SLC2A12: variants seen among roughly 807,000 people sequenced by gnomAD.
SLC2A12 encodes the protein solute carrier family 2, facilitated glucose transporter member 12.
A neutral mutation model predicts 41.8 loss-of-function variants in SLC2A12; 23 were observed. The ratio of observed to expected loss-of-function variants is 0.55; its 90% CI spans 0.40 to 0.78. The LOEUF (loss-of-function observed/expected upper bound fraction) is 0.78. Among genes scored for constraint, SLC2A12 ranks in the 30% least tolerant of loss-of-function variants. SLC2A12 has a pLI of 0.00. For missense variants in SLC2A12, 654 were observed against 745.6 expected (o/e 0.88, Z 1.43); for synonymous variants, 295 against 285.9 (o/e 1.03, Z -0.32).
chr6:133,992,810 A>G lies in SLC2A12; in HGVS notation c.1701-1502T>C, dbSNP rs180911755. On this transcript the variant is annotated intron_variant, in intron 4 of 4. Coordinates refer to ENST00000275230, the MANE Select transcript of SLC2A12 (RefSeq NM_145176.3). Reference sequence around the variant, plus strand: ...GTACTTGAGGAAGTGGGCTGGAGAGATGAGTGGTTAGAGGGTGAGTGGAAT... The same window carrying G: ...GTACTTGAGGAAGTGGGCTGGAGAGGTGAGTGGTTAGAGGGTGAGTGGAAT... Among the ~76,000 whole-genome samples, 21 of 152,264 alleles carry G rather than the reference A, an allele frequency of 1.4e-4. No individual in the cohort carries two copies. The East Asian group carries it at 1.5e-3, about 11-fold the overall frequency.
At chr6:134,040,315 G>C (rs948175642) in intron 1 of SLC2A12, among the ~76,000 whole-genome samples, 1 of 152,068 alleles carries the variant, frequency 6.6e-6, no homozygotes, top group Admixed American at 6.5e-5. Flanking sequence ...CGGAGCTCAA[G>C]TGATCCTCCC....
intron 2 of SLC2A12, among the ~76,000 whole-genome samples, chr6:134,022,531 CAAAAAAGAAAAGAAAAGAAAA>C (rs1777054538): frequency 8.6e-6 from 1 of 116,596 alleles, no homozygotes; most frequent in Admixed American, 9.9e-5. Flanking sequence ...AACTCCATCT[CAAAAAAGAAAAGAAAAGAAAA>C]GAAAAGAAAA....
chr6:134,028,681 T>G lies in SLC2A12; in HGVS notation c.1144A>C (p.Ile382Leu). 6.2e-7 allele frequency: 1 copy of G among 1,614,228 alleles called. No individual in the cohort carries two copies. The highest frequency in any genetic ancestry group is 8.5e-7 in the Non-Finnish European group (1 of 1,180,036). Residue 382 changes from isoleucine (I) to leucine (L), a missense_variant, in exon 2 of 5, where the codon ATC becomes CTC. Transcript: ENST00000275230. ...FTHICRSHNS[I>L]NQSLDESVIY... Reference sequence around the variant, plus strand: ...ACAGACTCATCCAAGGACTGGTTGATAGAATTGTGGCTTCTGCAGATATGG... The same window carrying G: ...ACAGACTCATCCAAGGACTGGTTGAGAGAATTGTGGCTTCTGCAGATATGG...
chr6:134,052,451 G>A lies in SLC2A12; in HGVS notation c.30C>T (p.Pro10=). ...CTGTCCCCTTCTGGTTCAGCAGACT[G>A]GGGCCCTCGGTGTTTTCAACAGGTA... MVPVENTEG[P]SLLNQKGTAV... Residue 10 remains proline (P), a synonymous_variant, in exon 1 of 5, where the codon CCC becomes CCT. Transcript: ENST00000275230. 1 of 1,613,404 alleles carries A rather than the reference G, an allele frequency of 6.2e-7. No individual in the cohort carries two copies. The highest frequency in any genetic ancestry group is 2.2e-5 in the East Asian group (1 of 44,878).
chr6:133,997,506 G>A (rs1035637130), intron 4 of SLC2A12, among the ~76,000 whole-genome samples: 4 of 152,164 alleles, frequency 2.6e-5, no homozygotes, highest in African/African-American at 4.8e-5. Flanking sequence ...GTAGCAATAC[G>A]GATGGAGCTG....
intron 3 of SLC2A12, among the ~76,000 whole-genome samples, chr6:134,005,660 A>G (rs2627238): frequency 0.02 from 241 of 12,088 alleles, 1 homozygote; most frequent in Non-Finnish European, 0.028. Flanking sequence ...ACTCTGTCTT[A>G]AAAAAAAAAA....
At position 133,997,085 on chromosome 6, in the gene SLC2A12, CAAAAAAAAAAAAA is replaced by C. The variant is rs58295985; in HGVS notation, c.1700+4899_1700+4911del. On this transcript the variant is annotated intron_variant, in intron 4 of 4. Coordinates refer to ENST00000275230, the MANE Select transcript of SLC2A12 (RefSeq NM_145176.3). ...TGAAACCCCGTCTCTACTAAAAATA[CAAAAAAAAAAAAA>C]AAAAAAAAAAAAGCCGGGCGTGGCA... 7.6e-4 allele frequency among the ~76,000 whole-genome samples: 54 copies of C among 70,712 alleles called. 2 individuals carry two copies. Among genetic ancestry groups the C allele is most frequent in the African/African-American group, 2.8e-3 (51 of 18,168 alleles). 46.4% of individuals were successfully genotyped at this position (70,712 alleles called of 152,430 possible).
At chr6:134,027,543 T>G (rs1277759194) in intron 2 of SLC2A12, among the ~76,000 whole-genome samples, 1 of 149,418 alleles carries the variant, frequency 6.7e-6, no homozygotes, top group Non-Finnish European at 1.5e-5. Flanking sequence ...GAGGTGGGGG[T>G]AATAGAGGCT....
At chr6:134,041,520 GATA>G (rs1390623475) in intron 1 of SLC2A12, among the ~76,000 whole-genome samples, 6 of 152,056 alleles carry the variant, frequency 3.9e-5, no homozygotes, top group Non-Finnish European at 8.8e-5. Context: ...AAAGGGAAGT[GATA>G]ATGACAGGAT....
At chr6:134,044,020 G>T (rs1011521146) in intron 1 of SLC2A12, among the ~76,000 whole-genome samples, 1 of 151,996 alleles carries the variant, frequency 6.6e-6, no homozygotes, top group East Asian at 1.9e-4. Context: ...CTCCCTGAAC[G>T]TGCCATTCTC....
chr6:134,042,965 TCAAAA>T (rs71803176), intron 1 of SLC2A12, among the ~76,000 whole-genome samples: 43,527 of 149,372 alleles, frequency 0.29, 6,634 homozygotes, highest in African/African-American at 0.38. Flanking sequence ...ACACTCTGTC[TCAAAA>T]CAAAACAAAA....
chr6:134,046,881 G>A (rs1195253680), intron 1 of SLC2A12, among the ~76,000 whole-genome samples: 1 of 151,906 alleles, frequency 6.6e-6, no homozygotes, highest in East Asian at 1.9e-4. Context: ...CTACAACATG[G>A]GAAGAAAAAT....
intron 2 of SLC2A12, among the ~76,000 whole-genome samples, chr6:134,014,495 G>A (rs1776929482): frequency 6.6e-6 from 1 of 152,186 alleles, no homozygotes; most frequent in Admixed American, 6.5e-5. Flanking sequence ...GTCTTTTCTA[G>A]TTTGTACTAC....
chr6:134,013,784 A>T (rs953786729), intron 2 of SLC2A12, among the ~76,000 whole-genome samples: 1 of 152,222 alleles, frequency 6.6e-6, no homozygotes, highest in African/African-American at 2.4e-5. Flanking sequence ...TTATAAAATG[A>T]TGATTATCTA....
rs759059494 is a variant in SLC2A12, at chr6:134,052,345, T to C, written c.103+33A>G. The C allele has an allele frequency of 3.8e-6, 6 of 1,576,864 alleles. No individual in the cohort carries two copies. The East Asian group carries it at 6.7e-5, about 18-fold the overall frequency. On this transcript the variant is annotated intron_variant, in intron 1 of 4. Coordinates refer to ENST00000275230, the MANE Select transcript of SLC2A12 (RefSeq NM_145176.3). ...GGGAGATGAGTACAGCTTGCTTCTC[T>C]GCGGTCACCCGAGCACTGCAGGCTC...
At chr6:134,052,252 C>CACACACACACACGCGCGCGCAT (rs1341207855) in intron 1 of SLC2A12, 126 bp downstream of exon 1, 1 of 302,444 alleles carries the variant, frequency 3.3e-6, no homozygotes, top group Non-Finnish European at 5.1e-6. Flanking sequence ...CGCGCGCATA[C>CACACACACACACGCGCGCGCAT]ACACACACAC....
At chr6:133,997,191 A>C (rs1179124338) in intron 4 of SLC2A12, among the ~76,000 whole-genome samples, 1 of 150,600 alleles carries the variant, frequency 6.6e-6, no homozygotes, top group Admixed American at 6.6e-5. Context: ...TGGGAGGCGG[A>C]GCTTACAGTG....
chr6:134,028,981 C>G lies in SLC2A12; in HGVS notation c.844G>C (p.Gly282Arg), dbSNP rs1355602402. 3 of 1,614,092 alleles carry G rather than the reference C, an allele frequency of 1.9e-6. No homozygotes were observed. The highest frequency in any genetic ancestry group is 4.5e-5 in the East Asian group (2 of 44,898). The change falls in exon 2 of 5, where the codon GGA (glycine) becomes CGA (arginine). Residue 282 changes from glycine to arginine, a missense_variant. Physicochemically the swap from Gly to Arg is moderately radical, Grantham distance 125. Transcript: ENST00000275230. ...TGTACAAAAAATACTAGTGTTAGTCCTATCATTATTCGGGTCCGCATGTTG... is the reference window on the plus strand; with the variant it reads ...TGTACAAAAAATACTAGTGTTAGTCGTATCATTATTCGGGTCCGCATGTTG... Reference protein sequence around the residue: ...KDNMRTRIMIGLTLVFFVQIT... With the variant: ...KDNMRTRIMIRLTLVFFVQIT...
rs59102121 is a variant in SLC2A12 at position 133,987,648 on chromosome 6, G to GTATATATATATATATATA, written c.*3489_*3506dup. 6.1e-4 allele frequency: 54 copies of GTATATATATATATATATA among 88,392 alleles called. No individual in the cohort carries two copies. The highest frequency in any genetic ancestry group is 1.7e-3 in the African/African-American group (48 of 27,574). 5.5% of individuals were successfully genotyped at this position (88,392 alleles called of 1,614,324 possible). Reference sequence around the variant, plus strand: ...TTTGTGTGTGTGTGTGTGTGTGTGTGTATATATATATATATATATGCACCA... The same window carrying GTATATATATATATATATA: ...TTTGTGTGTGTGTGTGTGTGTGTGTGTATATATATATATATATATATATATATATATATATATGCACCA... On this transcript the variant is annotated 3_prime_UTR_variant, in exon 5 of 5. Transcript: ENST00000275230.
Sources: allele counts gnomAD v4.1 joint callset (sites outside exome capture counted in the v4.1 genomes callset), GRCh38; gene constraint gnomAD v4.1.1; transcripts MANE v1.5; gene names NCBI Gene and HGNC (gene_info 2026-07-23, HGNC 2026-07-21).